The following KRT40 variants were observed in gnomAD, a reference collection of about 807,000 sequenced individuals.
KRT40 encodes keratin 40.
Under a neutral mutation model 43.5 loss-of-function variants are expected in KRT40, and 47 were observed. That is an observed-to-expected ratio of 1.08 (90% CI 0.86 to 1.38). The LOEUF (loss-of-function observed/expected upper bound fraction) is 1.38, where lower values mean the gene tolerates loss of function less well. Among genes scored for constraint, KRT40 ranks in the 40% most tolerant of loss-of-function variants. The pLI is 0.00. For missense variants in KRT40, 573 were observed against 523.6 expected (o/e 1.09, Z -0.92); for synonymous variants, 212 against 214.0 (o/e 0.99, Z 0.08).
At position 40,977,915 on chromosome 17, in the gene KRT40, A is replaced by G. The variant is rs1028710840; in HGVS notation, c.*282T>C. 1.5e-5 allele frequency: 4 copies of G among 270,300 alleles called. No homozygotes were observed. Among genetic ancestry groups the G allele is most frequent in the Non-Finnish European group, 2.8e-5 (4 of 141,704 alleles). 16.7% of individuals were successfully genotyped at this position (270,300 alleles called of 1,614,324 possible). On this transcript the variant is annotated 3_prime_UTR_variant, in exon 7 of 7. Coordinates refer to ENST00000377755, the MANE Select transcript of KRT40 (RefSeq NM_001389244.1). The stretch of plus-strand genomic sequence containing the variant: ...TTCCTTGCCATAAAATGAATATTCT[A>G]TCAACAGTAATCAGCCATAGAGCTA...
At chr17:40,982,973 G>T (rs1004444522) in intron 2 of KRT40, 73 bp downstream of exon 2, 1 of 683,576 alleles carries the variant, frequency 1.5e-6, no homozygotes, top group Non-Finnish European at 2.5e-6. Context: ...GCACCATTGA[G>T]CTCTAGCCTG....
At chr17:40,984,386 C>T (rs1912368939), upstream of KRT40, 8 of 735,584 alleles carry the variant, frequency 1.1e-5, no homozygotes, top group East Asian at 1.9e-4. Flanking sequence ...ACAGACTGCA[C>T]CGGATGTTTT....
chr17:40,980,826 C>T lies in KRT40; in HGVS notation c.934G>A (p.Ala312Thr), dbSNP rs185411291. ...TGGAGCTCAATTTCCAGAGCACTGGCTGTGCGTTTCAGTTCCAAGATCTCC... is the reference window on the plus strand; with the variant it reads ...TGGAGCTCAATTTCCAGAGCACTGGTTGTGCGTTTCAGTTCCAAGATCTCC... ...QMEILELKRT[A>T]SALEIELQAQ... Residue 312 changes from alanine (A) to threonine (T), a missense_variant, in exon 5 of 7, where the codon GCC (alanine) becomes ACC (threonine). By Grantham distance (58) the Ala-to-Thr change is moderately conservative (BLOSUM62 0). Transcript: ENST00000377755. 12 of 1,612,404 alleles carry T rather than the reference C, an allele frequency of 7.4e-6. No individual in the cohort carries two copies. The highest frequency in any genetic ancestry group is 1.0e-5 in the Non-Finnish European group (12 of 1,179,880).
At chr17:40,980,932 A>G in intron 4 of KRT40, 22 bp from the exon 5 acceptor site, 4 of 1,614,222 alleles carry the variant, frequency 2.5e-6, no homozygotes, top group Non-Finnish European at 3.4e-6. Context: ...ACACCATTAG[A>G]GAATTCAAAA....
In KRT40 at chr17:40,984,160, A is replaced by G; in HGVS notation, c.114T>C (p.Cys38=). The G allele has an allele frequency of 6.2e-7, 1 of 1,614,124 alleles. No homozygotes were observed. The highest frequency in any genetic ancestry group is 8.5e-7 in the Non-Finnish European group (1 of 1,180,034). ...TTGGAGTCTGACATCGGGATGTAGC[A>G]CAGGTACCGGGGAGACAAGCTGTTT... ...SVETACLPGT[C]ATSRCQTPSF... Residue 38 remains cysteine (C), a synonymous_variant, in exon 1 of 7, where the codon TGT becomes TGC. Coordinates refer to ENST00000377755, the MANE Select transcript of KRT40 (RefSeq NM_001389244.1).
chr17:40,978,154 G>T lies in KRT40; in HGVS notation c.*43C>A. On this transcript the variant is annotated 3_prime_UTR_variant, in exon 7 of 7. Coordinates refer to ENST00000377755, the MANE Select transcript of KRT40 (RefSeq NM_001389244.1). ...TGGTTGAAGCCCCATCTCCTTTCTA[G>T]GATGCTGCTGGCTTTGATTCCTCTA... 6.9e-7 allele frequency: 1 copy of T among 1,456,786 alleles called. No homozygotes were observed. Among genetic ancestry groups the T allele is most frequent in the Non-Finnish European group, 9.6e-7 (1 of 1,039,444 alleles). 90.2% of individuals were successfully genotyped at this position (1,456,786 alleles called of 1,614,324 possible). A position where few individuals can be genotyped will look rare whatever the true frequency, so the allele number is the denominator to read the frequency against.
In KRT40 at chr17:40,981,053, G is replaced by A. The variant is rs1912118444; in HGVS notation, c.786C>T (p.Arg262=). The A allele has an allele frequency of 3.7e-6, 6 of 1,614,232 alleles. No individual in the cohort carries two copies. Among genetic ancestry groups the A allele is most frequent in the Non-Finnish European group, 5.1e-6 (6 of 1,180,036 alleles). ...TGGCAAGCACCGTTTCACACTGACA[G>A]CGCATCTCATCCAGGACCCTGTTGA... ...LDLNRVLDEM[R]CQCETVLANN... is the part of the protein sequence containing the mutation. Residue 262 remains arginine (R), a synonymous_variant, in exon 4 of 7, where the codon CGC becomes CGT. Coordinates refer to ENST00000377755, the MANE Select transcript of KRT40 (RefSeq NM_001389244.1).
At chr17:40,981,200 C>T (rs1597919515) in intron 3 of KRT40, 49 bp from the exon 4 acceptor site, 1 of 1,610,828 alleles carries the variant, frequency 6.2e-7, no homozygotes, top group Non-Finnish European at 8.5e-7. Context: ...GGGGAAAAAT[C>T]CATTTGACAT....
chr17:40,982,220 A>T, intron 3 of KRT40, 87 bp downstream of exon 3: 2 of 1,287,226 alleles, frequency 1.6e-6, no homozygotes, highest in East Asian at 5.3e-5. Flanking sequence ...CATCTGCCCA[A>T]ATTCGATTTA....
At chr17:40,980,667 G>C in intron 5 of KRT40, 118 bp downstream of exon 5, 9 of 1,320,542 alleles carry the variant, frequency 6.8e-6, no homozygotes, top group Non-Finnish European at 9.2e-6. Context: ...TAATAGCTGG[G>C]TAAACGGCAG....
In KRT40 at chr17:40,984,010, A is replaced by G. The variant is rs1912324408; in HGVS notation, c.264T>C (p.Asn88=). The change falls in exon 1 of 7, where the codon AAT becomes AAC. Residue 88 remains asparagine (N), a synonymous_variant. Transcript: ENST00000377755. ...AWCEDGVFTS[N]EKETMQFLND... ...TCAGGAACTGCATCGTCTCCTTCTC[A>G]TTGCTAGTGAACACCCCATCCTCAC... 3 of 1,613,986 alleles carry G rather than the reference A, an allele frequency of 1.9e-6. No homozygotes were observed. The highest frequency in any genetic ancestry group is 2.5e-6 in the Non-Finnish European group (3 of 1,179,996).
rs139725892 is a variant in KRT40, at chr17:40,978,664, C to A, written c.1196+140G>T. On this transcript the variant is annotated intron_variant, in intron 6 of 6. Coordinates refer to ENST00000377755, the MANE Select transcript of KRT40 (RefSeq NM_001389244.1). ...TCTAGTGTCATGTTCTTAACCTCAG[C>A]CACTTTTCAGCACTTTTTTAAGAAG... 1.4e-3 allele frequency: 938 copies of A among 669,016 alleles called. 8 individuals are homozygous for A. In the African/African-American group the frequency reaches 0.016, roughly 11 times the overall value. 41.4% of individuals were successfully genotyped at this position (669,016 alleles called of 1,614,324 possible).
At chr17:40,980,710 G>T (rs1912091162) in intron 5 of KRT40, 75 bp downstream of exon 5, 1 of 1,494,990 alleles carries the variant, frequency 6.7e-7, no homozygotes, top group Admixed American at 2.3e-5. Context: ...GTGATCCTCG[G>T]ATATGGAAGA....
Position 40,978,927 on chromosome 17 carries a change from A to C in KRT40, c.1073T>G (p.Leu358Arg), listed in dbSNP as rs753422028. The C allele has an allele frequency of 7.4e-6, 12 of 1,614,018 alleles. No individual in the cohort carries two copies. The highest frequency in any genetic ancestry group is 1.0e-5 in the Non-Finnish European group (12 of 1,180,032). ...QCLIDNLENQLAEIRCDLERQ... is the reference protein window; with the variant it reads ...QCLIDNLENQRAEIRCDLERQ... ...CTCCAGGTCGCAGCGGATCTCGGCC[A>C]GCTGGTTCTCCAGGTTATCGATCAG... Residue 358 changes from leucine to arginine, a missense_variant, in exon 6 of 7, where the codon CTG becomes CGG. Coordinates refer to ENST00000377755, the MANE Select transcript of KRT40 (RefSeq NM_001389244.1).
intron 1 of KRT40, 145 bp from the exon 2 acceptor site, chr17:40,983,273 C>A: frequency 2.0e-6 from 1 of 488,790 alleles, no homozygotes. Context: ...TTTTATTAAC[C>A]TTGTCACTTC....
At chr17:40,978,421 T>G in intron 6 of KRT40, 125 bp from the exon 7 acceptor site, 1 of 743,542 alleles carries the variant, frequency 1.3e-6, no homozygotes, top group Non-Finnish European at 2.3e-6. Context: ...ACAATAGCAT[T>G]GACTGAAGCC....
upstream of KRT40, among the ~76,000 whole-genome samples, chr17:40,984,984 A>G (rs1323579731): frequency 2.0e-5 from 3 of 152,178 alleles, no homozygotes; most frequent in Non-Finnish European, 4.4e-5. Flanking sequence ...TGGAATTATG[A>G]TCTTTGATTT....
Position 40,982,387 on chromosome 17 carries a change from T to C in KRT40, c.607A>G (p.Thr203Ala). ...GCCTCCAGATCAGATTTGCACAGGG[T>C]CAGTTCCTCCAGGATCCCATGCAGG... Reference protein sequence around the residue: ...SSLHGILEELTLCKSDLEAHV... With the variant: ...SSLHGILEELALCKSDLEAHV... Residue 203 changes from threonine to alanine, a missense_variant, in exon 3 of 7, where the codon ACC (threonine) becomes GCC (alanine). By Grantham distance (58) the Thr-to-Ala change is moderately conservative (BLOSUM62 0). Transcript: ENST00000377755. The C allele has an allele frequency of 6.2e-7, 1 of 1,612,122 alleles. No individual in the cohort carries two copies. The highest frequency in any genetic ancestry group is 8.5e-7 in the Non-Finnish European group (1 of 1,179,062).
In KRT40 at chr17:40,984,169, G is replaced by T. The variant is rs780534550; in HGVS notation, c.105C>A (p.Pro35=). Residue 35 remains proline (P), a synonymous_variant, in exon 1 of 7, where the codon CCC becomes CCA. Transcript: ENST00000377755. Reference sequence around the variant, plus strand: ...GACATCGGGATGTAGCACAGGTACCGGGGAGACAAGCTGTTTCCACGGAGC... The same window carrying T: ...GACATCGGGATGTAGCACAGGTACCTGGGAGACAAGCTGTTTCCACGGAGC... The part of the protein sequence containing the change: ...SSCSVETACL[P]GTCATSRCQT... The T allele has an allele frequency of 2.5e-5, 40 of 1,613,910 alleles. No individual in the cohort carries two copies. The highest frequency in any genetic ancestry group is 3.4e-5 in the Non-Finnish European group (40 of 1,179,994).
Sources: gnomAD v4.1 joint callset for allele counts (sites outside exome capture counted in the v4.1 genomes callset) on GRCh38, gnomAD v4.1.1 for gene constraint, MANE v1.5 for transcripts, NCBI Gene and HGNC (gene_info 2026-07-23, HGNC 2026-07-21) for gene names.